Variants in CYSLTR2 observed in about 807,000 individuals in gnomAD.
CYSLTR2 encodes the protein cysteinyl leukotriene receptor 2.
For synonymous variants in CYSLTR2, 179 were observed against 160.8 expected, an observed-to-expected ratio of 1.11 and a Z score of -0.86; for missense variants, 398 against 411.9, an observed-to-expected ratio of 0.97 and a Z score of 0.29.
chr13:48,706,797 T>C lies in CYSLTR2; in HGVS notation c.-1-20T>C. ...GAAATTCACAAAGTAACTTTTTGTG[T>C]CTGTTTCTTTTTAACCCAGCATGGA... On this transcript the variant is annotated intron_variant, in intron 4 of 4. Transcript: ENST00000682523. 1 of 1,577,570 alleles carries C rather than the reference T, an allele frequency of 6.3e-7. No individual in the cohort carries two copies. The highest frequency in any genetic ancestry group is 8.6e-7 in the Non-Finnish European group (1 of 1,160,638).
intron 1 of CYSLTR2, among the ~76,000 whole-genome samples, chr13:48,684,503 CT>C (rs1953846077): frequency 6.6e-6 from 1 of 151,744 alleles, no homozygotes; most frequent in Non-Finnish European, 1.5e-5. Context: ...TCCTTGGTAG[CT>C]AATGGGATGA....
At chr13:48,656,195 G>T (rs1159946079) in intron 1 of CYSLTR2, among the ~76,000 whole-genome samples, 1 of 152,192 alleles carries the variant, frequency 6.6e-6, no homozygotes, top group Admixed American at 6.5e-5. Context: ...TGTACTACTT[G>T]TGTAATAAAA....
In CYSLTR2 at chr13:48,707,648, T is replaced by G; in HGVS notation, c.831T>G (p.Gly277=). 6.2e-7 allele frequency: 1 copy of G among 1,613,946 alleles called. No individual in the cohort carries two copies. The highest frequency in any genetic ancestry group is 8.5e-7 in the Non-Finnish European group (1 of 1,180,020). ...RTVHLTTWKV[G]LCKDRLHKAL... is the part of the protein sequence containing the mutation. The stretch of plus-strand genomic sequence containing the variant: ...TCCACTTGACGACATGGAAAGTGGG[T>G]TTATGCAAAGACAGACTGCATAAAG... The change falls in exon 5 of 5, where the codon GGT becomes GGG. Residue 277 remains glycine, a synonymous_variant. Transcript: ENST00000682523.
intron 4 of CYSLTR2, among the ~76,000 whole-genome samples, chr13:48,699,298 A>G (rs1421331849): frequency 6.6e-6 from 1 of 152,254 alleles, no homozygotes; most frequent in East Asian, 1.9e-4. Context: ...CAAATATAAA[A>G]GAACAGAAAT....
chr13:48,694,800 G>A (rs1422639346), intron 3 of CYSLTR2: 1 of 152,178 alleles, frequency 6.6e-6, no homozygotes, highest in Non-Finnish European at 1.5e-5. Context: ...GACAGCATAG[G>A]TAGGTTGTGG....
chr13:48,678,008 A>T (rs191285415), intron 1 of CYSLTR2, among the ~76,000 whole-genome samples: 1 of 151,652 alleles, frequency 6.6e-6, no homozygotes, highest in East Asian at 1.9e-4. Context: ...AGTATCTGGG[A>T]TTACAGGCAA....
intron 1 of CYSLTR2, among the ~76,000 whole-genome samples, chr13:48,655,847 A>G (rs1202402313): frequency 1.3e-5 from 2 of 152,342 alleles, no homozygotes; most frequent in African/African-American, 4.8e-5. Context: ...CCCAGGGCAC[A>G]TGGTCCTTTC....
intron 4 of CYSLTR2, among the ~76,000 whole-genome samples, chr13:48,699,268 G>C (rs1485676856): frequency 6.6e-6 from 1 of 152,146 alleles, no homozygotes; most frequent in East Asian, 1.9e-4. Context: ...CCACATAGTT[G>C]GAAGTAAAGC....
At chr13:48,678,533 C>A (rs1252910748) in intron 1 of CYSLTR2, among the ~76,000 whole-genome samples, 1 of 152,156 alleles carries the variant, frequency 6.6e-6, no homozygotes, top group Non-Finnish European at 1.5e-5. Context: ...AGCCTCTCCA[C>A]TCCTCTGGCT....
intron 1 of CYSLTR2, among the ~76,000 whole-genome samples, chr13:48,688,827 C>T (rs761043208): frequency 1.2e-4 from 19 of 152,156 alleles, no homozygotes; most frequent in African/African-American, 1.9e-4. Flanking sequence ...CTTGAGGAAT[C>T]GCCGCACTGC....
chr13:48,682,461 G>A (rs989827075), intron 1 of CYSLTR2, among the ~76,000 whole-genome samples: 1 of 152,044 alleles, frequency 6.6e-6, no homozygotes, highest in Non-Finnish European at 1.5e-5. Context: ...TAGTTCTAAA[G>A]TATGTGCTCC....
chr13:48,663,112 A>C (rs964486471), intron 1 of CYSLTR2, among the ~76,000 whole-genome samples: 1 of 152,008 alleles, frequency 6.6e-6, no homozygotes, highest in Non-Finnish European at 1.5e-5. Context: ...CTTTTCCCCA[A>C]TGAGTATTCT....
chr13:48,657,808 AATT>A (rs1248845721), intron 1 of CYSLTR2, among the ~76,000 whole-genome samples: 2 of 150,914 alleles, frequency 1.3e-5, no homozygotes. Flanking sequence ...TCTTTTGTCA[AATT>A]ATTATTTTTA....
At chr13:48,687,047 G>A (rs534525051) in intron 1 of CYSLTR2, among the ~76,000 whole-genome samples, 1 of 152,242 alleles carries the variant, frequency 6.6e-6, no homozygotes, top group Admixed American at 6.5e-5. Context: ...ATAAGAAAAA[G>A]GGATTTGCTC....
chr13:48,698,801 G>A (rs1305488431), intron 4 of CYSLTR2, among the ~76,000 whole-genome samples: 1 of 152,078 alleles, frequency 6.6e-6, no homozygotes, highest in Non-Finnish European at 1.5e-5. Flanking sequence ...AACACACATA[G>A]GCTCAAAATA....
At chr13:48,689,952 C>G (rs984577128) in intron 1 of CYSLTR2, among the ~76,000 whole-genome samples, 1 of 151,922 alleles carries the variant, frequency 6.6e-6, no homozygotes, top group Non-Finnish European at 1.5e-5. Flanking sequence ...TTGTAGTTCT[C>G]CTTGAGGAGG....
At chr13:48,684,140 G>C (rs1008005808) in intron 1 of CYSLTR2, among the ~76,000 whole-genome samples, 2 of 151,988 alleles carry the variant, frequency 1.3e-5, no homozygotes, top group Non-Finnish European at 2.9e-5. Flanking sequence ...TGTTGGCCAG[G>C]CTGATCTTGA....
At chr13:48,663,583 T>C (rs1953183912) in intron 1 of CYSLTR2, among the ~76,000 whole-genome samples, 1 of 152,072 alleles carries the variant, frequency 6.6e-6, no homozygotes, top group Non-Finnish European at 1.5e-5. Context: ...TAAGGTTGTT[T>C]TTTGTTTGTT....
chr13:48,693,044 T>C (rs1358324553), intron 2 of CYSLTR2, among the ~76,000 whole-genome samples: 2 of 151,742 alleles, frequency 1.3e-5, no homozygotes, highest in Admixed American at 6.6e-5. Context: ...ATTTGTAGCA[T>C]TGTAAGAATT....
Sources: allele counts gnomAD v4.1 joint callset (sites outside exome capture counted in the v4.1 genomes callset), GRCh38; gene constraint gnomAD v4.1.1; transcripts MANE v1.5; gene names NCBI Gene and HGNC (gene_info 2026-07-23, HGNC 2026-07-21).